The following CSMD1 variants were observed in gnomAD, a reference collection of about 807,000 sequenced individuals.
CSMD1 encodes CUB and Sushi multiple domains 1.
CSMD1 carries 213 observed loss-of-function variants against 417.5 expected under a neutral mutation model. The ratio of observed to expected loss-of-function variants is 0.51; its 90% CI spans 0.46 to 0.57. The LOEUF (loss-of-function observed/expected upper bound fraction) is 0.57, where lower values mean the gene tolerates loss of function less well. Among genes scored for constraint, CSMD1 ranks in the 20% least tolerant of loss-of-function variants. The pLI, the probability that CSMD1 is intolerant of heterozygous loss-of-function variation, is 0.00. For synonymous variants in CSMD1, 2,862 were observed against 1,736.8 expected, an observed-to-expected ratio of 1.65 and a Z score of -16.11; for missense variants, 6,923 against 4,529.7, an observed-to-expected ratio of 1.53 and a Z score of -15.17.
chr8:4,316,428 T>G (rs1323997770), intron 3 of CSMD1, among the ~76,000 whole-genome samples: 2 of 152,176 alleles, frequency 1.3e-5, no homozygotes, highest in African/African-American at 4.8e-5. Flanking sequence ...ATATATTAGG[T>G]TGATGTGAAA....
At chr8:3,084,880 C>T (rs551190163) in intron 49 of CSMD1, among the ~76,000 whole-genome samples, 6 of 151,712 alleles carry the variant, frequency 4.0e-5, no homozygotes, top group African/African-American at 1.4e-4. Context: ...GTTCAAAAAT[C>T]CTACTTTTTG....
At chr8:4,606,214 C>A (rs1020799743) in intron 2 of CSMD1, among the ~76,000 whole-genome samples, 3 of 152,064 alleles carry the variant, frequency 2.0e-5, no homozygotes, top group Non-Finnish European at 2.9e-5. Context: ...CCTTGCAGGT[C>A]TAAGAGTTGG....
At chr8:3,924,941 C>T (rs558811501) in intron 5 of CSMD1, among the ~76,000 whole-genome samples, 1 of 151,908 alleles carries the variant, frequency 6.6e-6, no homozygotes, top group East Asian at 1.9e-4. Flanking sequence ...TTCTCTCTTC[C>T]TTGAAGTTCT....
intron 3 of CSMD1, among the ~76,000 whole-genome samples, chr8:4,095,971 A>G (rs1201470023): frequency 6.6e-6 from 1 of 152,200 alleles, no homozygotes; most frequent in Non-Finnish European, 1.5e-5. Flanking sequence ...AGGACAAAAT[A>G]TTTCTTAACC....
intron 5 of CSMD1, among the ~76,000 whole-genome samples, chr8:3,989,715 A>C (rs1422747276): frequency 1.3e-5 from 2 of 152,262 alleles, no homozygotes; most frequent in Non-Finnish European, 2.9e-5. Context: ...AAGAACTTAG[A>C]TACTTGTATT....
chr8:3,886,491 C>G (rs1191609256), intron 5 of CSMD1, among the ~76,000 whole-genome samples: 1 of 152,238 alleles, frequency 6.6e-6, no homozygotes, highest in Non-Finnish European at 1.5e-5. Flanking sequence ...CATACGGTCT[C>G]TGTCACACTA....
At chr8:3,631,212 T>A (rs1018532777) in intron 7 of CSMD1, among the ~76,000 whole-genome samples, 1 of 152,192 alleles carries the variant, frequency 6.6e-6, no homozygotes, top group Non-Finnish European at 1.5e-5. Context: ...TTTATGTTGC[T>A]ATGTGGACAG....
intron 2 of CSMD1, among the ~76,000 whole-genome samples, chr8:4,518,768 TAATAA>T (rs1318047255): frequency 6.6e-6 from 1 of 151,580 alleles, no homozygotes; most frequent in African/African-American, 2.4e-5. Flanking sequence ...ATTATAATAA[TAATAA>T]AATAAAATTT....
chr8:4,299,208 A>C (rs1049619743), intron 3 of CSMD1, among the ~76,000 whole-genome samples: 1 of 152,204 alleles, frequency 6.6e-6, no homozygotes, highest in East Asian at 1.9e-4. Flanking sequence ...TACTTTTGCC[A>C]GGTAATGTAA....
intron 41 of CSMD1, among the ~76,000 whole-genome samples, chr8:3,130,997 G>A (rs370744354): frequency 3.3e-5 from 5 of 152,270 alleles, no homozygotes; most frequent in Admixed American, 6.5e-5. Context: ...TAAAATCCGC[G>A]ATAGTTTCTT....
intron 6 of CSMD1, among the ~76,000 whole-genome samples, chr8:3,751,145 T>C (rs2129053119): frequency 6.6e-6 from 1 of 152,248 alleles, no homozygotes; most frequent in South Asian, 2.1e-4. Flanking sequence ...TGTACCGTGT[T>C]GTCTTGGAGC....
intron 5 of CSMD1, among the ~76,000 whole-genome samples, chr8:3,816,224 C>G (rs1000841420): frequency 6.6e-6 from 1 of 152,148 alleles, no homozygotes; most frequent in African/African-American, 2.4e-5. Context: ...CAGAAGGGCA[C>G]GTGTTATATT....
At chr8:4,792,548 C>T (rs1226536540) in intron 1 of CSMD1, among the ~76,000 whole-genome samples, 1 of 152,132 alleles carries the variant, frequency 6.6e-6, no homozygotes, top group Non-Finnish European at 1.5e-5. Context: ...ACCCATTCAG[C>T]CATACACCAC....
intron 12 of CSMD1, among the ~76,000 whole-genome samples, chr8:3,449,536 A>T (rs964110569): frequency 1.3e-4 from 19 of 150,954 alleles, no homozygotes; most frequent in African/African-American, 4.1e-4. Context: ...TTTTTTTTTA[A>T]GATGGAGTTT....
chr8:2,993,970 C>T (rs552586970), intron 54 of CSMD1, among the ~76,000 whole-genome samples: 94 of 147,748 alleles, frequency 6.4e-4, no homozygotes, highest in Admixed American at 1.1e-3. Context: ...ATGGTGAAAC[C>T]CCATCCCTAC....
At chr8:4,968,664 A>C (rs1298122121) in intron 1 of CSMD1, among the ~76,000 whole-genome samples, 1 of 152,162 alleles carries the variant, frequency 6.6e-6, no homozygotes, top group Non-Finnish European at 1.5e-5. Flanking sequence ...AGTGTGGTTC[A>C]AAAGACTTAG....
intron 10 of CSMD1, among the ~76,000 whole-genome samples, chr8:3,500,905 C>T (rs1796573177): frequency 6.6e-6 from 1 of 152,090 alleles, no homozygotes; most frequent in African/African-American, 2.4e-5. Context: ...AAGAATGTGT[C>T]AGAGAGGATT....
intron 7 of CSMD1, among the ~76,000 whole-genome samples, chr8:3,689,460 A>G (rs1800120148): frequency 6.6e-6 from 1 of 152,238 alleles, no homozygotes; most frequent in Admixed American, 6.5e-5. Context: ...GGATAGACGT[A>G]GAAAGATTCT....
At chr8:3,903,889 C>A (rs950575950) in intron 5 of CSMD1, among the ~76,000 whole-genome samples, 4 of 151,956 alleles carry the variant, frequency 2.6e-5, no homozygotes, top group African/African-American at 9.7e-5. Context: ...TATTTTTTTA[C>A]CTCCACAGGA....
Sources: allele counts gnomAD v4.1 joint callset (sites outside exome capture counted in the v4.1 genomes callset), GRCh38; gene constraint gnomAD v4.1.1; transcripts MANE v1.5; gene names NCBI Gene and HGNC (gene_info 2026-07-23, HGNC 2026-07-21).